PDZD2: variants seen among roughly 807,000 people sequenced by gnomAD.
PDZD2 encodes PDZ domain containing 2.
In PDZD2, 90 loss-of-function variants were observed where a neutral mutation model predicts 220.7. The ratio of observed to expected loss-of-function variants is 0.41; its 90% confidence interval spans 0.34 to 0.49. The LOEUF (loss-of-function observed/expected upper bound fraction) is 0.49. Among genes scored for constraint, PDZD2 ranks in the 20% least tolerant of loss-of-function variants. The probability of loss-of-function intolerance (pLI) is 0.28; values close to 1 mark genes in which losing one functional copy is unlikely to be tolerated. For missense variants in PDZD2, 3,174 were observed against 3,608.5 expected, an observed-to-expected ratio of 0.88 and a Z score of 3.08; for synonymous variants, 1,375 against 1,450.5, an observed-to-expected ratio of 0.95 and a Z score of 1.18.
Position 31,679,100 on chromosome 5 carries a change from C to T in PDZD2, c.-361+39663C>T, listed in dbSNP as rs139894841. 4.6e-3 allele frequency among the ~76,000 whole-genome samples: 706 copies of T among 152,228 alleles called. 4 individuals carry two copies. The highest frequency in any genetic ancestry group is 7.0e-3 in the Admixed American group (107 of 15,290). On this transcript the variant is annotated intron_variant, in intron 1 of 24. Transcript: ENST00000438447. ...GGATAGTGGCCTCTGACTACAGAGC[C>T]CCCCTCCACTGAACTGACCAAGGAG...
chr5:31,706,029 G>A (rs1747806955), intron 1 of PDZD2, among the ~76,000 whole-genome samples: 1 of 151,418 alleles, frequency 6.6e-6, no homozygotes, highest in East Asian at 1.9e-4. Context: ...TTCAGCCTGG[G>A]CCACAGAGCG....
At chr5:31,649,272 C>T (rs1033072533) in intron 1 of PDZD2, among the ~76,000 whole-genome samples, 6 of 152,074 alleles carry the variant, frequency 3.9e-5, no homozygotes, top group African/African-American at 1.4e-4. Context: ...CTCCTTGCCC[C>T]AGTCCACCTC....
chr5:31,992,706 A>G (rs1751315035), intron 3 of PDZD2, among the ~76,000 whole-genome samples: 1 of 151,982 alleles, frequency 6.6e-6, no homozygotes, highest in African/African-American at 2.4e-5. Flanking sequence ...TTATTTCTGG[A>G]CTCTAAGAAT....
intron 1 of PDZD2, among the ~76,000 whole-genome samples, chr5:31,721,236 A>G (rs944871053): frequency 6.6e-6 from 1 of 152,172 alleles, no homozygotes; most frequent in Non-Finnish European, 1.5e-5. Context: ...GTCTGACTTT[A>G]AGGTGCCTCC....
Position 31,971,103 on chromosome 5 carries a change from C to T in PDZD2, c.477-12052C>T, listed in dbSNP as rs567920084. On this transcript the variant is annotated intron_variant, in intron 2 of 24. Transcript: ENST00000438447. ...CCTTTCAGGTGCTCAGATACCTAGA[C>T]ACCACCTGTCTCAGTCCATTTGTGC... Among the ~76,000 whole-genome samples the T allele has an allele frequency of 1.3e-4, 20 of 152,350 alleles. 1 individual carries two copies. In the South Asian group the frequency reaches 3.7e-3, roughly 28 times the overall value.
At chr5:32,072,787 A>T (rs1740884288) in intron 17 of PDZD2, among the ~76,000 whole-genome samples, 1 of 152,144 alleles carries the variant, frequency 6.6e-6, no homozygotes, top group African/African-American at 2.4e-5. Flanking sequence ...CTGGATACAC[A>T]TTCTATAGTC....
intron 2 of PDZD2, among the ~76,000 whole-genome samples, chr5:31,893,586 C>CA (rs35086496): frequency 1.5e-4 from 23 of 151,716 alleles, no homozygotes; most frequent in South Asian, 4.2e-4. Flanking sequence ...AACAAAAAGA[C>CA]AAAAAAAACA....
At chr5:31,853,579 G>A (rs1162667351) in intron 2 of PDZD2, among the ~76,000 whole-genome samples, 1 of 152,206 alleles carries the variant, frequency 6.6e-6, no homozygotes, top group East Asian at 1.9e-4. Context: ...GCCCAGGCTT[G>A]ACATGGGTTG....
intron 1 of PDZD2, among the ~76,000 whole-genome samples, chr5:31,640,926 A>G (rs931931508): frequency 4.6e-5 from 7 of 152,128 alleles, no homozygotes; most frequent in Non-Finnish European, 8.8e-5. Flanking sequence ...AGAACCATGT[A>G]AAGTATATAA....
chr5:31,837,328 C>T (rs146508023), intron 2 of PDZD2, among the ~76,000 whole-genome samples: 17 of 152,286 alleles, frequency 1.1e-4, no homozygotes, highest in African/African-American at 2.6e-4. Flanking sequence ...AGCAGAGTCA[C>T]GACAAGCAGC....
At chr5:31,980,785 T>C (rs146747228) in intron 2 of PDZD2, among the ~76,000 whole-genome samples, 2,079 of 151,896 alleles carry the variant, frequency 0.014, 27 homozygotes, top group Middle Eastern at 0.027. Flanking sequence ...GGATGGTGTT[T>C]GTTTGTTTGT....
At chr5:31,845,203 C>A (rs1031615104) in intron 2 of PDZD2, among the ~76,000 whole-genome samples, 21 of 152,306 alleles carry the variant, frequency 1.4e-4, no homozygotes, top group Middle Eastern at 6.8e-3. Flanking sequence ...GAATCACTGG[C>A]TTACAATATC....
At chr5:31,775,406 G>A (rs1408987607) in intron 1 of PDZD2, among the ~76,000 whole-genome samples, 5 of 151,496 alleles carry the variant, frequency 3.3e-5, no homozygotes, top group East Asian at 3.9e-4. Context: ...ATCTGAGGAC[G>A]GATTTGACGT....
chr5:32,014,014 T>C (rs1581276636), intron 6 of PDZD2, among the ~76,000 whole-genome samples: 1 of 152,234 alleles, frequency 6.6e-6, no homozygotes, highest in East Asian at 1.9e-4. Flanking sequence ...GGGTCGGCCC[T>C]GCTGTGCCTT....
chr5:31,935,565 A>G (rs1745651733), intron 2 of PDZD2, among the ~76,000 whole-genome samples: 1 of 152,168 alleles, frequency 6.6e-6, no homozygotes, highest in Admixed American at 6.5e-5. Flanking sequence ...ATCAAGACAA[A>G]TGGCTTTTAT....
At chr5:31,776,125 T>C (rs896514265) in intron 1 of PDZD2, among the ~76,000 whole-genome samples, 1 of 152,204 alleles carries the variant, frequency 6.6e-6, no homozygotes, top group Non-Finnish European at 1.5e-5. Flanking sequence ...GGACAAGGCC[T>C]GTGTGAATAA....
At chr5:31,940,644 A>G (rs1746136468) in intron 2 of PDZD2, among the ~76,000 whole-genome samples, 1 of 152,214 alleles carries the variant, frequency 6.6e-6, no homozygotes, top group Non-Finnish European at 1.5e-5. Flanking sequence ...GCCTAAAGCC[A>G]CATACACCCA....
chr5:31,880,737 A>G (rs929586186), intron 2 of PDZD2, among the ~76,000 whole-genome samples: 5 of 146,074 alleles, frequency 3.4e-5, no homozygotes, highest in Admixed American at 6.9e-5. Context: ...TCGGGTAAAC[A>G]TGAGCTCTTA....
At chr5:32,037,008 T>C (rs1446466146) in intron 6 of PDZD2, among the ~76,000 whole-genome samples, 2 of 152,152 alleles carry the variant, frequency 1.3e-5, no homozygotes, top group Non-Finnish European at 2.9e-5. Context: ...GGGCCCCTGG[T>C]TCCATGCTGG....
Sources: allele counts gnomAD v4.1 joint callset (sites outside exome capture counted in the v4.1 genomes callset), GRCh38; gene constraint gnomAD v4.1.1; transcripts MANE v1.5; gene names NCBI Gene and HGNC (gene_info 2026-07-23, HGNC 2026-07-21).